The following SLITRK3 variants were observed in gnomAD, a reference collection of about 807,000 sequenced individuals.
The protein encoded by SLITRK3 is SLIT and NTRK-like protein 3.
A neutral mutation model predicts 63.6 loss-of-function variants in SLITRK3; 16 were observed. That is an observed-to-expected ratio of 0.25 (90% confidence interval 0.17 to 0.38). The LOEUF is 0.38. Ranked by LOEUF, SLITRK3 falls within the 10% of genes least tolerant of loss-of-function variation. The pLI is 1.00. For missense variants in SLITRK3, 1,117 were observed against 1,181.4 expected (o/e 0.95, Z 0.80); for synonymous variants, 547 against 451.6 (o/e 1.21, Z -2.68).
rs1163738446 is a variant in SLITRK3 at position 165,189,321 on chromosome 3, G to A, written c.1510C>T (p.Pro504Ser). The A allele has an allele frequency of 6.2e-7, 1 of 1,614,188 alleles. No individual in the cohort carries two copies. The highest frequency in any genetic ancestry group is 1.7e-5 in the Admixed American group (1 of 60,020). Residue 504 changes from proline (P) to serine (S), a missense_variant, in exon 2 of 2, where the codon CCC becomes TCC. By Grantham distance (74) the Pro-to-Ser change is moderately conservative (BLOSUM62 -1). This residue lies in a region of SLITRK3 where 158 missense variants were observed against 197.2 expected (regional missense o/e 0.80). Coordinates refer to ENST00000475390, the MANE Select transcript of SLITRK3 (RefSeq NM_001318810.2). The surrounding 1 kb of genome is among the most constrained non-coding windows in gnomAD (Gnocchi z 4.0). ...TTGAGGAATAGCAGCTTCAAGTTGG[G>A]CATGAGGCTGAAGGCTGCAGGCTGG... ...EIQPAAFSLM[P>S]NLKLLFLNNN...
chr3:165,193,314 T>G (rs1190276052), intron 1 of SLITRK3, among the ~76,000 whole-genome samples: 2 of 150,562 alleles, frequency 1.3e-5, no homozygotes, highest in African/African-American at 2.5e-5. Context: ...TCTTTCTTTT[T>G]TTTTAAACTC....
rs747935212 is a variant in SLITRK3, at chr3:165,190,496, G to A, written c.335C>T (p.Ala112Val). ...NAVSINLGNN[A>V]LQDIQTGAFN... is the part of the protein sequence containing the mutation. The stretch of plus-strand genomic sequence containing the variant: ...AGCTCCAGTCTGAATGTCCTGCAAT[G>A]CATTGTTCCCAAGATTAATAGACAC... Residue 112 changes from alanine (A) to valine (V), a missense_variant, in exon 2 of 2, where the codon GCA (alanine) becomes GTA (valine). By Grantham distance (64) the Ala-to-Val change is moderately conservative. Coordinates refer to ENST00000475390, the MANE Select transcript of SLITRK3 (RefSeq NM_001318810.2). The A allele has an allele frequency of 8.1e-6, 13 of 1,613,710 alleles. No individual in the cohort carries two copies. The highest frequency in any genetic ancestry group is 1.0e-5 in the Non-Finnish European group (12 of 1,179,940).
rs1718134009 is a variant in SLITRK3 at position 165,189,928 on chromosome 3, A to G, written c.903T>C (p.Ser301=). The change falls in exon 2 of 2, where the codon AGT becomes AGC. Residue 301 remains serine (S), a synonymous_variant. Coordinates refer to ENST00000475390, the MANE Select transcript of SLITRK3 (RefSeq NM_001318810.2). This position sits in a 1 kb window ranked among gnomAD's most constrained non-coding sequence, Gnocchi z 4.0. ...ASLGIPHSSS[S]KENAWPTKPS... is the part of the protein sequence containing the mutation. ...GCTTAGTTGGCCATGCATTCTCCTT[A>G]CTTGATGACGAATGTGGAATTCCCA... 1 of 1,614,150 alleles carries G rather than the reference A, an allele frequency of 6.2e-7. No homozygotes were observed.
chr3:165,193,579 G>A (rs1350617157), intron 1 of SLITRK3, among the ~76,000 whole-genome samples: 2 of 152,072 alleles, frequency 1.3e-5, no homozygotes, highest in African/African-American at 4.8e-5. Context: ...CCTGCATTTT[G>A]CTTCGATCCC....
chr3:165,193,629 C>A (rs1476989800), intron 1 of SLITRK3, among the ~76,000 whole-genome samples: 1 of 152,034 alleles, frequency 6.6e-6, no homozygotes, highest in African/African-American at 2.4e-5. Flanking sequence ...CAGGTCAAAG[C>A]CTTCGATAGC....
At chr3:165,196,897 G>GTCTCTCTCTGTCTCTC (rs1718450783), upstream of SLITRK3, 3 of 96,472 alleles carry the variant, frequency 3.1e-5, no homozygotes, top group Admixed American at 1.4e-4. Context: ...CTCTCTCTCT[G>GTCTCTCTCTGTCTCTC]TCTCTCTCTC....
intron 1 of SLITRK3, 95 bp downstream of exon 1, chr3:165,195,485 C>G (rs1011498569): frequency 2.0e-5 from 3 of 152,290 alleles, no homozygotes; most frequent in African/African-American, 7.2e-5. Context: ...ACAGAATACA[C>G]CGCGGCCAAA....
chr3:165,190,597 T>A lies in SLITRK3; in HGVS notation c.234A>T (p.Arg78Ser), dbSNP rs1335674116. The change falls in exon 2 of 2, where the codon AGA (arginine) becomes AGT (serine). Residue 78 changes from arginine to serine, a missense_variant. Around this residue, in one of 4 missense-constraint regions of SLITRK3, gnomAD observed 452 missense variants for 495.3 expected, o/e 0.91. Coordinates refer to ENST00000475390, the MANE Select transcript of SLITRK3 (RefSeq NM_001318810.2). Reference protein sequence around the residue: ...NISQITEFWSRPFKLYLQRNS... With the variant: ...NISQITEFWSSPFKLYLQRNS... ...TCCTCTGCAGATACAGTTTAAAAGG[T>A]CTTGACCAGAACTCGGTAATCTGAC... 36 of 1,613,796 alleles carry A rather than the reference T, an allele frequency of 2.2e-5. No homozygotes were observed. In the Admixed American group the frequency reaches 6.0e-4, roughly 27 times the overall value.
rs756828149 is a variant in SLITRK3, at chr3:165,188,902, C to T, written c.1929G>A (p.Glu643=). 1 of 1,614,128 alleles carries T rather than the reference C, an allele frequency of 6.2e-7. No individual in the cohort carries two copies. Among genetic ancestry groups the T allele is most frequent in the Admixed American group, 1.7e-5 (1 of 60,014 alleles). The change falls in exon 2 of 2, where the codon GAG becomes GAA. Residue 643 remains glutamate (E), a synonymous_variant. Transcript: ENST00000475390. ...IGAPTSASPY[E]FSPPGGPVPL... ...GCACAGGGCCCCCAGGAGGAGAAAA[C>T]TCATAAGGTGATGCACTGGTTGGTG...
rs751730070 is a variant in SLITRK3, at chr3:165,189,558, G to A, written c.1273C>T (p.Arg425Cys). Residue 425 changes from arginine to cysteine, a missense_variant, in exon 2 of 2, where the codon CGT becomes TGT. Arg to Cys is a radical substitution (Grantham distance 180). Transcript: ENST00000475390. This position sits in a 1 kb window ranked among gnomAD's most constrained non-coding sequence, Gnocchi z 4.0. The part of the protein sequence containing the change: ...LSSNLIQKIY[R>C]SDFWNFSSLD... ...GAAGAAAAATTCCAAAAATCAGAACGGTATATTTTCTGAATCAGATTGCTA... is the reference window on the plus strand; with the variant it reads ...GAAGAAAAATTCCAAAAATCAGAACAGTATATTTTCTGAATCAGATTGCTA... 5.6e-6 allele frequency: 9 copies of A among 1,613,972 alleles called. No homozygotes were observed. The highest frequency in any genetic ancestry group is 7.6e-6 in the Non-Finnish European group (9 of 1,179,964).
rs765257066 is a variant in SLITRK3 at position 165,190,862 on chromosome 3, A to C, written c.-21-11T>G. 1.3e-6 allele frequency: 2 copies of C among 1,526,266 alleles called. No individual in the cohort carries two copies. Among genetic ancestry groups the C allele is most frequent in the Admixed American group, 4.5e-5 (2 of 44,882 alleles). The allele number at this position is 1,526,266 out of a possible 1,614,324, so 94.5% of individuals were successfully genotyped here. On this transcript the variant is annotated splice_polypyrimidine_tract_variant and intron_variant, in intron 1 of 1. Transcript: ENST00000475390. ...TGGTTGATTACAAAACTGCAACAGA[A>C]ATAAAAATGCAGATTTTTAGCTTTT...
Position 165,190,228 on chromosome 3 carries a change from C to T in SLITRK3, c.603G>A (p.Leu201=). 1 of 1,614,092 alleles carries T rather than the reference C, an allele frequency of 6.2e-7. No homozygotes were observed. The highest frequency in any genetic ancestry group is 1.1e-5 in the South Asian group (1 of 91,082). ...NLFKAVSLTH[L]DLRGNRLKVL... is the part of the protein sequence containing the mutation. ...CCTTTAACCTATTTCCACGTAGGTC[C>T]AAATGGGTTAAAGAGACAGCCTTAA... is the stretch of plus-strand genomic sequence containing the variant. Residue 201 remains leucine, a synonymous_variant, in exon 2 of 2, where the codon TTG becomes TTA. Coordinates refer to ENST00000475390, the MANE Select transcript of SLITRK3 (RefSeq NM_001318810.2).
Position 165,190,337 on chromosome 3 carries a change from T to G in SLITRK3, c.494A>C (p.Glu165Ala), listed in dbSNP as rs1718163766. 1.2e-6 allele frequency: 2 copies of G among 1,614,224 alleles called. No individual in the cohort carries two copies. The highest frequency in any genetic ancestry group is 1.3e-5 in the African/African-American group (1 of 75,050). ...QADYNVIKRI[E>A]SGAFRNLSKL... ...ACTTAGGTTCCGAAATGCCCCACTC[T>G]CAATACGTTTAATGACATTGTAATC... Residue 165 changes from glutamate (E) to alanine (A), a missense_variant, in exon 2 of 2, where the codon GAG becomes GCG. Glu to Ala is a moderately radical substitution (Grantham distance 107, BLOSUM62 -1). Around this residue, in one of 4 missense-constraint regions of SLITRK3, gnomAD observed 452 missense variants for 495.3 expected, o/e 0.91. Transcript: ENST00000475390.
In SLITRK3 at chr3:165,195,787, T is replaced by G. The variant is rs1381516170; in HGVS notation, c.-229A>C. The G allele has an allele frequency of 2.0e-5, 3 of 152,700 alleles. No individual in the cohort carries two copies. Among genetic ancestry groups the G allele is most frequent in the Non-Finnish European group, 4.4e-5 (3 of 68,066 alleles). The allele number at this position is 152,700 out of a possible 1,614,324, so 9.5% of individuals were successfully genotyped here. ...ACCTTTGAGACTTGCAGGGAAATGG[T>G]CGCTGCATACCAATGGGAGAGCGGG... On this transcript the variant is annotated 5_prime_UTR_variant, in exon 1 of 2. Transcript: ENST00000475390.
chr3:165,190,872 C>T (rs942132227), intron 1 of SLITRK3, 21 bp from the exon 2 acceptor site: 1 of 1,508,834 alleles, frequency 6.6e-7, no homozygotes, highest in Non-Finnish European at 8.9e-7. Context: ...AATAAAAATG[C>T]AGATTTTTAG....
At position 165,187,972 on chromosome 3, in the gene SLITRK3, G is replaced by A. The variant is rs759867601; in HGVS notation, c.2859C>T (p.Tyr953=). 3 of 1,614,010 alleles carry A rather than the reference G, an allele frequency of 1.9e-6. No homozygotes were observed. The South Asian group carries it at 3.3e-5, about 18-fold the overall frequency. Residue 953 remains tyrosine (Y), a synonymous_variant, in exon 2 of 2, where the codon TAC becomes TAT. Transcript: ENST00000475390. Reference sequence around the variant, plus strand: ...TTTGAAGTTTGGCCCTTAACTCGAGGTAATCACTTTTTTGGGTTTGGTGGT... The same window carrying A: ...TTTGAAGTTTGGCCCTTAACTCGAGATAATCACTTTTTTGGGTTTGGTGGT... The part of the protein sequence containing the change: ...FTDHQTQKSD[Y]LELRAKLQTK...
Position 165,189,602 on chromosome 3 carries a change from G to A in SLITRK3, c.1229C>T (p.Ala410Val). Residue 410 changes from alanine (A) to valine (V), a missense_variant, in exon 2 of 2, where the codon GCC becomes GTC. Transcript: ENST00000475390. The surrounding 1 kb of genome is among the most constrained non-coding windows in gnomAD (Gnocchi z 4.0). ...ATTGCTACTCAGATACAGTTTCTTG[G>A]CATTCAAGGGCCTTGGAAGAAGTTC... ...ISELLPRPLN[A>V]KKLYLSSNLI... 1.2e-6 allele frequency: 2 copies of A among 1,614,134 alleles called. No homozygotes were observed. The highest frequency in any genetic ancestry group is 1.7e-6 in the Non-Finnish European group (2 of 1,180,028).
At chr3:165,194,778 C>T (rs570416385) in intron 1 of SLITRK3, among the ~76,000 whole-genome samples, 47 of 152,310 alleles carry the variant, frequency 3.1e-4, no homozygotes, top group African/African-American at 1.1e-3. Context: ...GCAATGAAGT[C>T]TCTGTTATTT....
Position 165,189,328 on chromosome 3 carries a change from G to C in SLITRK3, c.1503C>G (p.Ser501Arg), listed in dbSNP as rs762261781. ...VIREIQPAAFSLMPNLKLLFL... is the reference protein window; with the variant it reads ...VIREIQPAAFRLMPNLKLLFL... Reference sequence around the variant, plus strand: ...ATAGCAGCTTCAAGTTGGGCATGAGGCTGAAGGCTGCAGGCTGGATTTCCC... The same window carrying C: ...ATAGCAGCTTCAAGTTGGGCATGAGCCTGAAGGCTGCAGGCTGGATTTCCC... The change falls in exon 2 of 2, where the codon AGC becomes AGG. Residue 501 changes from serine (S) to arginine (R), a missense_variant. Physicochemically the swap from Ser to Arg is moderately radical, Grantham distance 110. Transcript: ENST00000475390. The surrounding 1 kb of genome is among the most constrained non-coding windows in gnomAD (Gnocchi z 4.0). 15 of 1,614,198 alleles carry C rather than the reference G, an allele frequency of 9.3e-6. No homozygotes were observed. The highest frequency in any genetic ancestry group is 1.2e-5 in the Non-Finnish European group (14 of 1,180,040).
Sources: allele counts gnomAD v4.1 joint callset (sites outside exome capture counted in the v4.1 genomes callset), GRCh38; gene constraint gnomAD v4.1.1; regional missense constraint gnomAD v4.1.1; non-coding constraint Gnocchi (gnomAD v3.1); transcripts MANE v1.5; gene names NCBI Gene and HGNC (gene_info 2026-07-23, HGNC 2026-07-21).